Variants in TFEC observed in about 807,000 individuals in gnomAD.
The protein encoded by TFEC is transcription factor EC, also known as class E basic helix-loop-helix protein 34.
In TFEC, 31 loss-of-function variants were observed where a neutral mutation model predicts 41.6. That is an observed-to-expected ratio of 0.74 (90% CI 0.56 to 1.01). The LOEUF (loss-of-function observed/expected upper bound fraction) is 1.01. Among genes scored for constraint, TFEC ranks in the 50% least tolerant of loss-of-function variants. The probability of loss-of-function intolerance (pLI) is 0.00; values close to 1 mark genes in which losing one functional copy is unlikely to be tolerated. For missense variants in TFEC, 402 were observed against 404.1 expected, an observed-to-expected ratio of 0.99 and a Z score of 0.04; for synonymous variants, 143 against 140.6, an observed-to-expected ratio of 1.02 and a Z score of -0.12.
intron 3 of TFEC, chr7:115,968,276 A>G (rs1792966022): frequency 6.5e-7 from 1 of 1,527,144 alleles, no homozygotes; most frequent in African/African-American, 1.4e-5. Context: ...CTTGCAAACA[A>G]TAACCAAGAG....
Position 115,941,617 on chromosome 7 carries a change from A to G in TFEC, c.663+276T>C, listed in dbSNP as rs1221115946. 18 of 340,280 alleles carry G rather than the reference A, an allele frequency of 5.3e-5. No homozygotes were observed. In the East Asian group the frequency reaches 5.8e-4, roughly 11 times the overall value. 21.1% of individuals were successfully genotyped at this position (340,280 alleles called of 1,614,324 possible). On this transcript the variant is annotated intron_variant, in intron 7 of 7. Coordinates refer to ENST00000265440, the MANE Select transcript of TFEC (RefSeq NM_012252.4). ...TAATTTGTTGTCATTATATATGTGTATATATATATACATGCACACATACAC... is the reference window on the plus strand; with the variant it reads ...TAATTTGTTGTCATTATATATGTGTGTATATATATACATGCACACATACAC...
chr7:116,082,908 T>C (rs1797122913), intron 3 of TFEC, among the ~76,000 whole-genome samples: 1 of 151,904 alleles, frequency 6.6e-6, no homozygotes, highest in Non-Finnish European at 1.5e-5. Flanking sequence ...TCCAACTCAG[T>C]CTATCTCCTG....
intron 4 of TFEC, among the ~76,000 whole-genome samples, chr7:115,955,015 A>G (rs56104149): frequency 0.018 from 2,762 of 152,176 alleles, 93 homozygotes; most frequent in African/African-American, 0.063. Flanking sequence ...ATAGTATTCA[A>G]TTATTATTTT....
At chr7:115,967,380 A>G (rs1340937049) in intron 3 of TFEC, among the ~76,000 whole-genome samples, 1 of 151,788 alleles carries the variant, frequency 6.6e-6, no homozygotes, top group African/African-American at 2.4e-5. Flanking sequence ...TAGACATAAA[A>G]GGAAAATAAA....
chr7:115,956,577 G>A (rs1792243607), intron 4 of TFEC, 102 bp downstream of exon 4: 1 of 610,994 alleles, frequency 1.6e-6, no homozygotes, highest in Admixed American at 4.0e-5. Context: ...TTTTGTAACT[G>A]TTTTGTTATA....
chr7:116,042,848 G>A (rs1796072949), intron 3 of TFEC, among the ~76,000 whole-genome samples: 1 of 151,984 alleles, frequency 6.6e-6, no homozygotes, highest in African/African-American at 2.4e-5. Flanking sequence ...TTATAAAGCT[G>A]AGTAGCATAT....
At chr7:116,145,990 A>G (rs1402433454) in intron 1 of TFEC, among the ~76,000 whole-genome samples, 3 of 152,236 alleles carry the variant, frequency 2.0e-5, no homozygotes, top group African/African-American at 7.2e-5. Context: ...TAAAGGTAAA[A>G]CAAACACTGA....
chr7:116,052,807 C>T (rs1030640026), intron 3 of TFEC, among the ~76,000 whole-genome samples: 5 of 151,588 alleles, frequency 3.3e-5, no homozygotes, highest in African/African-American at 7.3e-5. Flanking sequence ...CAGTGGCTCA[C>T]GCCTGTAATC....
chr7:116,132,455 A>T (rs1798352091), intron 1 of TFEC, among the ~76,000 whole-genome samples: 1 of 152,194 alleles, frequency 6.6e-6, no homozygotes, highest in South Asian at 2.1e-4. Context: ...AACTCTCGAA[A>T]AACTGAATAT....
chr7:115,988,916 C>T (rs1793977678), intron 1 of TFEC, among the ~76,000 whole-genome samples: 1 of 152,096 alleles, frequency 6.6e-6, no homozygotes, highest in Admixed American at 6.5e-5. Flanking sequence ...CTGACTCTTC[C>T]TTACAAACCA....
Position 116,030,721 on chromosome 7 carries a change from G to C in TFEC, c.-161C>G. 1 of 985,380 alleles carries C rather than the reference G, an allele frequency of 1.0e-6. No individual in the cohort carries two copies. The highest frequency in any genetic ancestry group is 1.2e-6 in the Non-Finnish European group (1 of 829,932). The allele number at this position is 985,380 out of a possible 1,614,324, so 61.0% of individuals were successfully genotyped here. A position where few individuals can be genotyped will look rare whatever the true frequency, so the allele number is the denominator to read the frequency against. Reference sequence around the variant, plus strand: ...TTCCCATAACATATGCACCATGCCAGAAGGGACAACCAAAGTAAACGATCT... The same window carrying C: ...TTCCCATAACATATGCACCATGCCACAAGGGACAACCAAAGTAAACGATCT... On this transcript the variant is annotated 5_prime_UTR_variant, in exon 1 of 8. Transcript: ENST00000265440.
chr7:116,067,279 G>C (rs902532132), intron 3 of TFEC, among the ~76,000 whole-genome samples: 1 of 151,898 alleles, frequency 6.6e-6, no homozygotes, highest in African/African-American at 2.4e-5. Flanking sequence ...AATATTCATA[G>C]ACGTTTCCAT....
At chr7:116,034,263 T>C (rs192838416), upstream of TFEC, among the ~76,000 whole-genome samples, 3 of 152,190 alleles carry the variant, frequency 2.0e-5, no homozygotes, top group Admixed American at 2.0e-4. Flanking sequence ...TCATGTACTT[T>C]CATGACTTTA....
intron 1 of TFEC, among the ~76,000 whole-genome samples, chr7:116,018,934 G>A (rs1408647978): frequency 2.0e-5 from 3 of 152,188 alleles, no homozygotes; most frequent in Admixed American, 6.5e-5. Context: ...GGCTGCACTG[G>A]TCATGGATGG....
rs753770244 is a variant in TFEC at position 115,940,661 on chromosome 7, T to C, written c.934A>G (p.Thr312Ala). 5.0e-6 allele frequency: 8 copies of C among 1,613,526 alleles called. No homozygotes were observed. Among genetic ancestry groups the C allele is most frequent in the African/African-American group, 1.3e-5 (1 of 74,880 alleles). The change falls in exon 8 of 8, where the codon ACA (threonine) becomes GCA (alanine). Residue 312 changes from threonine to alanine, a missense_variant. Coordinates refer to ENST00000265440, the MANE Select transcript of TFEC (RefSeq NM_012252.4). ...GGATCTGTTCCAAATGGAGAGATTG[T>C]GTCATCCAATAGCATGCCATCCAAT... ...QRLDGMLLDD[T>A]ISPFGTDPLL... is the part of the protein sequence containing the mutation.
intron 1 of TFEC, among the ~76,000 whole-genome samples, chr7:116,146,414 C>T (rs1798641725): frequency 6.6e-6 from 1 of 152,278 alleles, no homozygotes; most frequent in African/African-American, 2.4e-5. Context: ...GAGATACCTG[C>T]CTATTGCAGC....
At chr7:116,004,612 C>A (rs1376269957) in intron 1 of TFEC, among the ~76,000 whole-genome samples, 1 of 152,028 alleles carries the variant, frequency 6.6e-6, no homozygotes, top group Non-Finnish European at 1.5e-5. Flanking sequence ...CTAAAACTTC[C>A]CTAAAAAATA....
At chr7:115,973,964 CAGAGAG>C (rs1042304938) in intron 3 of TFEC, among the ~76,000 whole-genome samples, 200 bp downstream of exon 3, 1 of 151,828 alleles carries the variant, frequency 6.6e-6, no homozygotes, top group Non-Finnish European at 1.5e-5. Context: ...CAGAGAGAGA[CAGAGAG>C]AGAGATTAGT....
chr7:116,090,600 T>C (rs1797303195), intron 3 of TFEC, among the ~76,000 whole-genome samples: 1 of 152,050 alleles, frequency 6.6e-6, no homozygotes, highest in African/African-American at 2.4e-5. Context: ...CAAAATGAGG[T>C]CCCGTCACTT....
Sources: gnomAD v4.1 joint callset for allele counts (sites outside exome capture counted in the v4.1 genomes callset) on GRCh38, gnomAD v4.1.1 for gene constraint, MANE v1.5 for transcripts, NCBI Gene and HGNC (gene_info 2026-07-23, HGNC 2026-07-21) for gene names.